LIPF: variants seen among roughly 807,000 people sequenced by gnomAD.
LIPF encodes lipase F, gastric type.
Under a neutral mutation model 38.0 loss-of-function variants are expected in LIPF, and 25 were observed. That is an observed-to-expected ratio of 0.66 (90% CI 0.48 to 0.92). The LOEUF (loss-of-function observed/expected upper bound fraction) is 0.92. LIPF is among the 40% of genes least tolerant of loss of function. The pLI is 0.00. For synonymous variants in LIPF, 161 were observed against 156.2 expected (o/e 1.03, Z -0.23); for missense variants, 410 against 469.9 (o/e 0.87, Z 1.18).
In LIPF at chr10:88,671,884, T is replaced by C. The variant is rs777303018; in HGVS notation, c.588T>C (p.Tyr196=). The change falls in exon 6 of 10, where the codon TAT becomes TAC. Residue 196 remains tyrosine (Y), a synonymous_variant. Transcript: ENST00000238983. Reference sequence around the variant, plus strand: ...TGGCTAAAAGAATCAAAACCTTCTATGCTCTAGCTCCTGTTGCCACTGTGA... The same window carrying C: ...TGGCTAAAAGAATCAAAACCTTCTACGCTCTAGCTCCTGTTGCCACTGTGA... ...PSLAKRIKTF[Y]ALAPVATVKY... The C allele has an allele frequency of 6.2e-6, 10 of 1,613,570 alleles. No homozygotes were observed. The African/African-American group carries it at 6.7e-5, about 11-fold the overall frequency.
chr10:88,667,527 A>G (rs775676421), intron 2 of LIPF, 42 bp from the exon 3 acceptor site: 16 of 1,207,950 alleles, frequency 1.3e-5, no homozygotes, highest in Non-Finnish European at 1.9e-5. Flanking sequence ...AGATATATCT[A>G]AAAATCAACT....
intron 1 of LIPF, chr10:88,665,536 T>C (rs1317213099): frequency 2.6e-6 from 4 of 1,534,890 alleles, no homozygotes; most frequent in African/African-American, 1.4e-5. Context: ...TTTGAGCCCA[T>C]TGAGATGTTC....
intron 6 of LIPF, among the ~76,000 whole-genome samples, chr10:88,672,486 G>A (rs1469061590): frequency 6.6e-6 from 1 of 152,074 alleles, no homozygotes; most frequent in African/African-American, 2.4e-5. Flanking sequence ...ATCTTTAAAT[G>A]GGCGATCTCA....
Position 88,667,327 on chromosome 10 carries a change from G to T in LIPF, c.30G>T (p.Leu10Phe). Reference protein sequence around the residue: MWLLLTMASLISVLGTTHGL... With the variant: MWLLLTMASFISVLGTTHGL... ...GGCTGCTTTTAACAATGGCAAGTTT[G>T]ATATCTGTACTGGGGACTACACATG... The change falls in exon 2 of 10, where the codon TTG becomes TTT. Residue 10 changes from leucine (L) to phenylalanine (F), a missense_variant. Coordinates refer to ENST00000238983, the MANE Select transcript of LIPF (RefSeq NM_004190.4). The T allele has an allele frequency of 6.2e-7, 1 of 1,613,122 alleles. No individual in the cohort carries two copies. Among genetic ancestry groups the T allele is most frequent in the South Asian group, 1.1e-5 (1 of 90,876 alleles).
chr10:88,672,094 A>T (rs1841608873), intron 6 of LIPF, 129 bp downstream of exon 6: 1 of 870,204 alleles, frequency 1.1e-6, no homozygotes, highest in Non-Finnish European at 1.7e-6. Flanking sequence ...AACTGTTCGC[A>T]TCTGTATTAT....
chr10:88,671,916 C>G lies in LIPF; in HGVS notation c.620C>G (p.Thr207Arg). 6.2e-7 allele frequency: 1 copy of G among 1,613,236 alleles called. No homozygotes were observed. Among genetic ancestry groups the G allele is most frequent in the Non-Finnish European group, 8.5e-7 (1 of 1,179,510 alleles). Residue 207 changes from threonine (T) to arginine (R), a missense_variant, in exon 6 of 10, where the codon ACA becomes AGA. By Grantham distance (71) the Thr-to-Arg change is moderately conservative. Transcript: ENST00000238983. ...GCTCCTGTTGCCACTGTGAAGTATA[C>G]AAAAAGCCTTATAAACAAACTTAGA... is the stretch of plus-strand genomic sequence containing the variant. The part of the protein sequence containing the change: ...ALAPVATVKY[T>R]KSLINKLRFV...
Position 88,678,764 on chromosome 10 carries a change from C to A in LIPF, c.*83C>A. 1.2e-6 allele frequency: 1 copy of A among 860,576 alleles called. No individual in the cohort carries two copies. Among genetic ancestry groups the A allele is most frequent in the Non-Finnish European group, 1.8e-6 (1 of 543,792 alleles). 53.3% of individuals were successfully genotyped at this position (860,576 alleles called of 1,614,324 possible). A position where few individuals can be genotyped will look rare whatever the true frequency, so the allele number is the denominator to read the frequency against. On this transcript the variant is annotated 3_prime_UTR_variant, in exon 10 of 10. Transcript: ENST00000238983. ...TAGTATTTTCATAATGTTTGACATG[C>A]AGTGCTTCTTTCTGTAATTTTGACT... is the stretch of plus-strand genomic sequence containing the variant.
At chr10:88,669,706 G>T in intron 4 of LIPF, 131 bp from the exon 5 acceptor site, 1 of 590,230 alleles carries the variant, frequency 1.7e-6, no homozygotes, top group East Asian at 3.0e-5. Flanking sequence ...ATCCACTGAT[G>T]GTCTATAAGC....
Position 88,671,264 on chromosome 10 carries a change from T to A in LIPF, c.533-565T>A, listed in dbSNP as rs149679933. Among the ~76,000 whole-genome samples, 415 of 152,330 alleles carry A rather than the reference T, an allele frequency of 2.7e-3. 1 individual carries two copies. Among genetic ancestry groups the A allele is most frequent in the Middle Eastern group, 0.01 (3 of 294 alleles). On this transcript the variant is annotated intron_variant, in intron 5 of 9. Coordinates refer to ENST00000238983, the MANE Select transcript of LIPF (RefSeq NM_004190.4). ...CTTTCTTTACATGATTTACTTCCTT[T>A]AGTTCCTAACAATCTAATGAAGCAC...
rs1233709314 is a variant in LIPF at position 88,678,578 on chromosome 10, A to T, written c.1094A>T (p.Lys365Met). The part of the protein sequence containing the change: ...LPKLPNLIYH[K>M]EIPFYNHLDF... ...AAACTCCCCAATCTTATTTACCACA[A>T]GGAGATTCCTTTTTACAATCACTTG... Residue 365 changes from lysine (K) to methionine (M), a missense_variant, in exon 10 of 10, where the codon AAG becomes ATG. Transcript: ENST00000238983. The T allele has an allele frequency of 1.2e-6, 2 of 1,613,928 alleles. No homozygotes were observed. The highest frequency in any genetic ancestry group is 4.5e-5 in the East Asian group (2 of 44,898).
intron 9 of LIPF, among the ~76,000 whole-genome samples, 178 bp downstream of exon 9, chr10:88,676,458 G>C (rs1197407586): frequency 1.3e-5 from 2 of 152,158 alleles, no homozygotes; most frequent in Admixed American, 1.3e-4. Context: ...CATTTAAAGA[G>C]GTTTACAAAG....
chr10:88,668,691 A>G lies in LIPF; in HGVS notation c.357A>G (p.Arg119=). The change falls in exon 4 of 10, where the codon AGA becomes AGG. Residue 119 remains arginine, a synonymous_variant. Coordinates refer to ENST00000238983, the MANE Select transcript of LIPF (RefSeq NM_004190.4). ...ATGATGTGTGGCTGGGCAACAGCAG[A>G]GGAAACACCTGGGCCAGAAGAAACT... The part of the protein sequence containing the change: ...AGYDVWLGNS[R]GNTWARRNLY... The G allele has an allele frequency of 6.2e-7, 1 of 1,614,184 alleles. No homozygotes were observed. The highest frequency in any genetic ancestry group is 2.2e-5 in the East Asian group (1 of 44,884).
Position 88,664,492 on chromosome 10 carries a change from G to C in LIPF, c.-12+1G>C, listed in dbSNP as rs894432195. 50 of 152,894 alleles carry C rather than the reference G, an allele frequency of 3.3e-4. No individual in the cohort carries two copies. The highest frequency in any genetic ancestry group is 1.2e-3 in the African/African-American group (49 of 41,584). The allele number at this position is 152,894 out of a possible 1,614,324, so 9.5% of individuals were successfully genotyped here. On this transcript the variant is annotated splice_donor_variant, in intron 1 of 9. Coordinates refer to ENST00000238983, the MANE Select transcript of LIPF (RefSeq NM_004190.4). LOFTEE classifies it low-confidence loss of function (5UTR_SPLICE). ...AATCCTAACTATTTCTGAGGAAACT[G>C]TAAGTAGAACTTCTGCTGAACAAAA...
chr10:88,677,226 G>A (rs1366484870), intron 9 of LIPF, among the ~76,000 whole-genome samples: 1 of 152,116 alleles, frequency 6.6e-6, no homozygotes, highest in Non-Finnish European at 1.5e-5. Context: ...AATAGCATGA[G>A]ATCAAACTTT....
chr10:88,678,063 T>A (rs1232103306), intron 9 of LIPF, among the ~76,000 whole-genome samples: 1 of 152,200 alleles, frequency 6.6e-6, no homozygotes, highest in Non-Finnish European at 1.5e-5. Context: ...CCATTTCCCT[T>A]AGCTTGAGTT....
At chr10:88,676,409 T>A in intron 9 of LIPF, 129 bp downstream of exon 9, 2 of 640,792 alleles carry the variant, frequency 3.1e-6, no homozygotes, top group South Asian at 4.1e-5. Context: ...TCTCTCATTC[T>A]CCCACATGAC....
intron 6 of LIPF, 52 bp from the exon 7 acceptor site, chr10:88,673,536 C>T: frequency 7.0e-7 from 1 of 1,433,476 alleles, no homozygotes; most frequent in Admixed American, 2.0e-5. Context: ...ACTAGTGAGT[C>T]TTTTCTGCAG....
At chr10:88,668,938 A>T (rs961011745) in intron 4 of LIPF, 182 bp downstream of exon 4, 1 of 582,288 alleles carries the variant, frequency 1.7e-6, no homozygotes, top group African/African-American at 1.9e-5. Flanking sequence ...TTTTCCTTCA[A>T]ACTTTTGTGA....
chr10:88,669,969 A>G lies in LIPF; in HGVS notation c.532+23A>G, dbSNP rs201742956. ...TTGGTAAGTAATGGCAGTCAAGGCC[A>G]AGTGGTTTACTTCTCATAAACACTT... On this transcript the variant is annotated intron_variant, in intron 5 of 9. Transcript: ENST00000238983. The G allele has an allele frequency of 1.5e-5, 22 of 1,496,996 alleles. 1 individual carries two copies. The Admixed American group carries it at 3.3e-4, about 22-fold the overall frequency. 92.7% of individuals were successfully genotyped at this position (1,496,996 alleles called of 1,614,324 possible). A position where few individuals can be genotyped will look rare whatever the true frequency, so the allele number is the denominator to read the frequency against.
Sources: gnomAD v4.1 joint callset for allele counts (sites outside exome capture counted in the v4.1 genomes callset) on GRCh38, gnomAD v4.1.1 for gene constraint, MANE v1.5 for transcripts, NCBI Gene and HGNC (gene_info 2026-07-23, HGNC 2026-07-21) for gene names.